The following DNMT3B variants were observed in gnomAD, a reference collection of about 807,000 sequenced individuals.
The protein encoded by DNMT3B is DNA methyltransferase 3 beta.
A neutral mutation model predicts 120.2 loss-of-function variants in DNMT3B; 37 were observed. The observed-to-expected ratio is 0.31, with a 90% confidence interval of 0.24 to 0.40. The LOEUF is 0.40. Ranked by LOEUF, DNMT3B falls within the 10% of genes least tolerant of loss-of-function variation. The pLI is 1.00. For synonymous variants in DNMT3B, 412 were observed against 442.8 expected, an observed-to-expected ratio of 0.93 and a Z score of 0.87; for missense variants, 878 against 1,137.3, an observed-to-expected ratio of 0.77 and a Z score of 3.28.
At chr20:32,769,216 T>A (rs1472269465) in intron 1 of DNMT3B, among the ~76,000 whole-genome samples, 2 of 152,162 alleles carry the variant, frequency 1.3e-5, no homozygotes, top group Non-Finnish European at 2.9e-5. Flanking sequence ...TCCCTAGTAG[T>A]AGCTGGGACT....
At chr20:32,775,972 G>T (rs1988050420) in intron 1 of DNMT3B, among the ~76,000 whole-genome samples, 1 of 152,200 alleles carries the variant, frequency 6.6e-6, no homozygotes, top group Non-Finnish European at 1.5e-5. Context: ...GGGTGCAGTG[G>T]CTCACGCCTG....
In DNMT3B at chr20:32,781,451, A is replaced by G. The variant is rs200957571; in HGVS notation, c.204+37A>G. Reference sequence around the variant, plus strand: ...GCTCTCCCTTTTTCAGGGCTCAGGGACTTTGTCTTTGGCTTTCATCACGTG... The same window carrying G: ...GCTCTCCCTTTTTCAGGGCTCAGGGGCTTTGTCTTTGGCTTTCATCACGTG... On this transcript the variant is annotated intron_variant, in intron 3 of 22. Transcript: ENST00000328111. 5 of 1,612,834 alleles carry G rather than the reference A, an allele frequency of 3.1e-6. No homozygotes were observed. The Admixed American group carries it at 8.3e-5, about 27-fold the overall frequency.
In DNMT3B at chr20:32,808,010, C is replaced by T; in HGVS notation, c.*107C>T. 6.3e-7 allele frequency: 1 copy of T among 1,587,250 alleles called. No individual in the cohort carries two copies. The highest frequency in any genetic ancestry group is 8.6e-7 in the Non-Finnish European group (1 of 1,163,854). On this transcript the variant is annotated 3_prime_UTR_variant, in exon 23 of 23. Transcript: ENST00000328111. ...CCTGCTCTTCCTCAGCTGTGTGGGT[C>T]ATACCGTGTACCTCAGTTCCCTCTT...
chr20:32,782,806 CT>C (rs1978787461), intron 3 of DNMT3B, among the ~76,000 whole-genome samples: 3 of 152,178 alleles, frequency 2.0e-5, no homozygotes, highest in Admixed American at 6.5e-5. Context: ...TGTATCCCCC[CT>C]GGATAAGGGG....
chr20:32,800,936 T>A lies in DNMT3B; in HGVS notation c.1996+11T>A. 1 of 1,614,140 alleles carries A rather than the reference T, an allele frequency of 6.2e-7. No homozygotes were observed. The highest frequency in any genetic ancestry group is 8.5e-7 in the Non-Finnish European group (1 of 1,179,972). On this transcript the variant is annotated intron_variant, in intron 18 of 22. Coordinates refer to ENST00000328111, the MANE Select transcript of DNMT3B (RefSeq NM_006892.4). ...GGAAAGGCCTGTATGGTGAGCATCCTTCTCTCTGGCAGTCCCTGGAGAGCC... is the reference window on the plus strand; with the variant it reads ...GGAAAGGCCTGTATGGTGAGCATCCATCTCTCTGGCAGTCCCTGGAGAGCC...
rs1981152689 is a variant in DNMT3B at position 32,800,196 on chromosome 20, C to T, written c.1803C>T (p.Tyr601=). 1.2e-6 allele frequency: 2 copies of T among 1,614,208 alleles called. No individual in the cohort carries two copies. Among genetic ancestry groups the T allele is most frequent in the East Asian group, 2.2e-5 (1 of 44,884 alleles). Reference sequence around the variant, plus strand: ...AGTTGGGCATAAAGGTAGGAAAGTACGTCGCTTCTGAAGTGTGTGAGGAGT... The same window carrying T: ...AGTTGGGCATAAAGGTAGGAAAGTATGTCGCTTCTGAAGTGTGTGAGGAGT... ...LKELGIKVGK[Y]VASEVCEESI... The change falls in exon 17 of 23, where the codon TAC becomes TAT. Residue 601 remains tyrosine, a synonymous_variant. Coordinates refer to ENST00000328111, the MANE Select transcript of DNMT3B (RefSeq NM_006892.4).
rs780900853 is a variant in DNMT3B, at chr20:32,800,193, G to C, written c.1800G>C (p.Lys600Asn). The change falls in exon 17 of 23, where the codon AAG becomes AAC. Residue 600 changes from lysine to asparagine, a missense_variant. Around this residue, in one of 4 missense-constraint regions of DNMT3B, gnomAD observed 334 missense variants for 518.8 expected, o/e 0.64. Transcript: ENST00000328111. Reference protein sequence around the residue: ...VLKELGIKVGKYVASEVCEES... With the variant: ...VLKELGIKVGNYVASEVCEES... Reference sequence around the variant, plus strand: ...AAGAGTTGGGCATAAAGGTAGGAAAGTACGTCGCTTCTGAAGTGTGTGAGG... The same window carrying C: ...AAGAGTTGGGCATAAAGGTAGGAAACTACGTCGCTTCTGAAGTGTGTGAGG... 14 of 1,614,134 alleles carry C rather than the reference G, an allele frequency of 8.7e-6. No individual in the cohort carries two copies. In the African/African-American group the frequency reaches 1.7e-4, roughly 20 times the overall value.
At chr20:32,776,339 A>T (rs571355618) in intron 1 of DNMT3B, among the ~76,000 whole-genome samples, 1 of 152,176 alleles carries the variant, frequency 6.6e-6, no homozygotes, top group East Asian at 1.9e-4. Context: ...GGGATGATGC[A>T]GTTCTAAATC....
rs1424695736 is a variant in DNMT3B, at chr20:32,798,633, G to T, written c.1664G>T (p.Gly555Val). Residue 555 changes from glycine (G) to valine (V), a missense_variant, in exon 15 of 23, where the codon GGG becomes GTG. Physicochemically the swap from Gly to Val is moderately radical, Grantham distance 109 (BLOSUM62 -3). Around this residue, in one of 4 missense-constraint regions of DNMT3B, gnomAD observed 334 missense variants for 518.8 expected, o/e 0.64. Transcript: ENST00000328111. ...RLQAFFTSDT[G>V]LEYEAPKLYP... ...CAGGCCTTCTTCACCAGTGACACGG[G>T]GCTTGAATATGTAAGCCACAGGCTC... 4.3e-6 allele frequency: 7 copies of T among 1,613,780 alleles called. No homozygotes were observed. In the Admixed American group the frequency reaches 1.2e-4, roughly 27 times the overall value.
intron 1 of DNMT3B, among the ~76,000 whole-genome samples, chr20:32,763,484 C>T (rs950835366): frequency 6.6e-6 from 1 of 152,220 alleles, no homozygotes; most frequent in African/African-American, 2.4e-5. Flanking sequence ...ACCTTCCATT[C>T]TTAGCCTAAC....
chr20:32,787,527 T>G, intron 6 of DNMT3B, 76 bp downstream of exon 6: 3 of 1,465,134 alleles, frequency 2.0e-6, no homozygotes, highest in Non-Finnish European at 2.8e-6. Flanking sequence ...CCTGCTACTG[T>G]TGGTAACAGA....
At chr20:32,762,784 C>A in intron 1 of DNMT3B, 85 bp downstream of exon 1, 1 of 154,688 alleles carries the variant, frequency 6.5e-6, no homozygotes, top group South Asian at 2.0e-4. Context: ...GCTCCCGAAG[C>A]TGCCGGGGAG....
intron 1 of DNMT3B, among the ~76,000 whole-genome samples, chr20:32,770,939 C>T (rs1183026701): frequency 6.6e-6 from 1 of 151,752 alleles, no homozygotes; most frequent in East Asian, 1.9e-4. Flanking sequence ...ATGTTGGGGT[C>T]TCACTTTGTT....
At chr20:32,802,824 A>AC (rs1485615162) in intron 20 of DNMT3B, among the ~76,000 whole-genome samples, 1 of 152,112 alleles carries the variant, frequency 6.6e-6, no homozygotes. Context: ...ACAAAGTGAG[A>AC]CCCCGTCTCT....
At position 32,781,344 on chromosome 20, in the gene DNMT3B, C is replaced by A. The variant is rs377138079; in HGVS notation, c.143-9C>A. Reference sequence around the variant, plus strand: ...CCACAAAACAGACTCCTGGCTGTTTCCTCTACAGGCCGAAGATCAAGCTCG... The same window carrying A: ...CCACAAAACAGACTCCTGGCTGTTTACTCTACAGGCCGAAGATCAAGCTCG... On this transcript the variant is annotated splice_polypyrimidine_tract_variant and intron_variant, in intron 2 of 22. Coordinates refer to ENST00000328111, the MANE Select transcript of DNMT3B (RefSeq NM_006892.4). The A allele has an allele frequency of 1.2e-6, 2 of 1,614,066 alleles. No individual in the cohort carries two copies. The highest frequency in any genetic ancestry group is 2.7e-5 in the African/African-American group (2 of 74,920).
At chr20:32,800,106 G>A in intron 16 of DNMT3B, 47 bp from the exon 17 acceptor site, 7 of 1,613,408 alleles carry the variant, frequency 4.3e-6, no homozygotes, top group Non-Finnish European at 5.9e-6. Flanking sequence ...ATGAGCTGCT[G>A]TGTGCTCAGC....
At chr20:32,781,332 T>A (rs746379478) in intron 2 of DNMT3B, 21 bp from the exon 3 acceptor site, 1 of 1,505,540 alleles carries the variant, frequency 6.6e-7, no homozygotes, top group South Asian at 1.2e-5. Flanking sequence ...CAAAACAGAC[T>A]CCTGGCTGTT....
chr20:32,764,810 G>A (rs983240640), intron 1 of DNMT3B, among the ~76,000 whole-genome samples: 1 of 152,222 alleles, frequency 6.6e-6, no homozygotes, highest in East Asian at 1.9e-4. Flanking sequence ...TGCAAAGGAT[G>A]GGGGGAGGGG....
intron 8 of DNMT3B, 136 bp from the exon 9 acceptor site, chr20:32,792,490 G>A: frequency 6.8e-7 from 1 of 1,462,852 alleles, no homozygotes; most frequent in Non-Finnish European, 9.4e-7. Flanking sequence ...ACATACCACA[G>A]CCCAGGACAG....
Sources: allele counts gnomAD v4.1 joint callset (sites outside exome capture counted in the v4.1 genomes callset), GRCh38; gene constraint gnomAD v4.1.1; regional missense constraint gnomAD v4.1.1; transcripts MANE v1.5; gene names NCBI Gene and HGNC (gene_info 2026-07-23, HGNC 2026-07-21).